Variants in NTM observed in about 807,000 individuals in gnomAD.
NTM encodes the protein neurotrimin.
In NTM, 13 loss-of-function variants were observed where a neutral mutation model predicts 42.1. That is an observed-to-expected ratio of 0.31 (90% CI 0.20 to 0.49). The LOEUF is 0.49. Ranked by LOEUF, NTM falls within the 20% of genes least tolerant of loss-of-function variation. NTM has a pLI of 0.99. For synonymous variants in NTM, 187 were observed against 179.2 expected, an observed-to-expected ratio of 1.04 and a Z score of -0.35; for missense variants, 373 against 452.8, an observed-to-expected ratio of 0.82 and a Z score of 1.60.
At chr11:131,942,051 T>C (rs964337939) in intron 2 of NTM, among the ~76,000 whole-genome samples, 9 of 152,186 alleles carry the variant, frequency 5.9e-5, no homozygotes, top group African/African-American at 2.2e-4. Flanking sequence ...CAGAGTTTTG[T>C]TAGGTGCTGG....
chr11:132,313,750 A>G (rs940278032), intron 6 of NTM, among the ~76,000 whole-genome samples: 1 of 152,128 alleles, frequency 6.6e-6, no homozygotes, highest in Admixed American at 6.5e-5. Context: ...CATGGTTCTA[A>G]TAAGCATACC....
chr11:132,210,431 T>C (rs376691000), intron 3 of NTM, among the ~76,000 whole-genome samples: 14 of 152,336 alleles, frequency 9.2e-5, no homozygotes, highest in African/African-American at 3.1e-4. Flanking sequence ...TAAATATTTG[T>C]TGAGCTCTTA....
intron 1 of NTM, among the ~76,000 whole-genome samples, chr11:131,440,125 T>A (rs1949492757): frequency 6.6e-6 from 1 of 152,114 alleles, no homozygotes; most frequent in African/African-American, 2.4e-5. Context: ...CTATATTTTT[T>A]GTTCTGATTT....
chr11:132,049,640 T>C (rs1378807541), intron 2 of NTM, among the ~76,000 whole-genome samples: 2 of 152,180 alleles, frequency 1.3e-5, no homozygotes, highest in Non-Finnish European at 2.9e-5. Flanking sequence ...CACCCTCACC[T>C]GGGACCAGGT....
intron 1 of NTM, among the ~76,000 whole-genome samples, chr11:131,686,605 T>C (rs993048804): frequency 2.0e-5 from 3 of 152,108 alleles, no homozygotes; most frequent in Non-Finnish European, 4.4e-5. Context: ...CAGGCACTCT[T>C]GGTGTAACTT....
At chr11:131,607,349 C>T (rs951136511) in intron 1 of NTM, among the ~76,000 whole-genome samples, 1 of 152,150 alleles carries the variant, frequency 6.6e-6, no homozygotes, top group East Asian at 1.9e-4. Flanking sequence ...ATAGTCCTCC[C>T]TGTGCTGTGT....
At chr11:131,966,187 T>A (rs2062815033) in intron 2 of NTM, among the ~76,000 whole-genome samples, 1 of 151,534 alleles carries the variant, frequency 6.6e-6, no homozygotes, top group Admixed American at 6.6e-5. Context: ...GGGAGATGAG[T>A]TTGCTGAAAC....
Position 132,310,144 on chromosome 11 carries a change from G to A in NTM, c.694G>A (p.Gly232Ser), listed in dbSNP as rs1269751113. Residue 232 changes from glycine (G) to serine (S), a missense_variant, in exon 6 of 9, where the codon GGT (glycine) becomes AGT (serine). Gly to Ser is a moderately conservative substitution (Grantham distance 56). Around this residue, in one of 3 missense-constraint regions of NTM, gnomAD observed 312 missense variants for 353.5 expected, o/e 0.88. Transcript: ENST00000683400. ...PPYISEAKGT[G>S]VPVGQKGTLQ... ...ATACATTTCAGAAGCCAAGGGTACA[G>A]GTGTCCCCGTGGGACAAAAGGGGAC... 6.2e-7 allele frequency: 1 copy of A among 1,610,084 alleles called. No individual in the cohort carries two copies. Among genetic ancestry groups the A allele is most frequent in the Non-Finnish European group, 8.5e-7 (1 of 1,178,410 alleles).
chr11:132,082,441 T>C (rs2059199276), intron 2 of NTM, among the ~76,000 whole-genome samples: 1 of 152,168 alleles, frequency 6.6e-6, no homozygotes. Flanking sequence ...CCGGTATGCA[T>C]GCAGGTCCTT....
intron 2 of NTM, among the ~76,000 whole-genome samples, chr11:132,113,279 A>G (rs2063468639): frequency 6.6e-6 from 1 of 152,180 alleles, no homozygotes; most frequent in African/African-American, 2.4e-5. Flanking sequence ...TGCTTCTTAA[A>G]TAATGTTGGA....
At chr11:131,483,582 G>A (rs1007512578) in intron 1 of NTM, among the ~76,000 whole-genome samples, 46 of 152,234 alleles carry the variant, frequency 3.0e-4, no homozygotes, top group African/African-American at 8.7e-4. Context: ...TTCAATGAAA[G>A]CTACAGGGCT....
At chr11:132,314,028 A>C (rs1022186885) in intron 6 of NTM, among the ~76,000 whole-genome samples, 1 of 152,034 alleles carries the variant, frequency 6.6e-6, no homozygotes, top group Non-Finnish European at 1.5e-5. Flanking sequence ...CAAAAAATTA[A>C]GTATTATCTA....
chr11:131,712,468 A>G (rs535136827), intron 1 of NTM, among the ~76,000 whole-genome samples: 1 of 152,342 alleles, frequency 6.6e-6, no homozygotes, highest in South Asian at 2.1e-4. Flanking sequence ...ATGTATACAC[A>G]TATGTATTAA....
chr11:131,375,441 T>C (rs542901342), intron 1 of NTM, among the ~76,000 whole-genome samples: 5 of 152,364 alleles, frequency 3.3e-5, no homozygotes, highest in Admixed American at 6.5e-5. Flanking sequence ...AAGAAGTCGA[T>C]GGCATACAGT....
At chr11:131,683,648 A>AT (rs1361289303) in intron 1 of NTM, among the ~76,000 whole-genome samples, 2 of 152,252 alleles carry the variant, frequency 1.3e-5, no homozygotes, top group Non-Finnish European at 2.9e-5. Flanking sequence ...TGGAACGTGA[A>AT]TAAAAAATCC....
chr11:132,048,247 C>T (rs1450410808), intron 2 of NTM, among the ~76,000 whole-genome samples: 4 of 152,142 alleles, frequency 2.6e-5, no homozygotes, highest in Non-Finnish European at 5.9e-5. Context: ...CAGCAATACC[C>T]CCCATGCCGC....
chr11:131,525,898 G>A (rs560156372), intron 1 of NTM, among the ~76,000 whole-genome samples: 1 of 152,264 alleles, frequency 6.6e-6, no homozygotes, highest in Non-Finnish European at 1.5e-5. Flanking sequence ...GGAAAGAAAT[G>A]CCTGAGATCA....
chr11:131,877,005 T>C (rs1278971849), intron 1 of NTM, among the ~76,000 whole-genome samples: 6 of 152,122 alleles, frequency 3.9e-5, no homozygotes. Context: ...ATTACAGGCA[T>C]GAGCCACCGT....
intron 1 of NTM, among the ~76,000 whole-genome samples, chr11:131,748,319 A>G (rs373624294): frequency 6.6e-6 from 1 of 152,246 alleles, no homozygotes; most frequent in Non-Finnish European, 1.5e-5. Context: ...GTCTGAAAAT[A>G]GTGGCAGAGC....
Sources: allele counts gnomAD v4.1 joint callset (sites outside exome capture counted in the v4.1 genomes callset), GRCh38; gene constraint gnomAD v4.1.1; regional missense constraint gnomAD v4.1.1; transcripts MANE v1.5; gene names NCBI Gene and HGNC (gene_info 2026-07-23, HGNC 2026-07-21).